Variants in FRMD4A observed in about 807,000 individuals in gnomAD.
FRMD4A encodes FERM domain-containing protein 4A.
FRMD4A carries 29 observed loss-of-function variants against 129.1 expected under a neutral mutation model. The observed-to-expected ratio is 0.22, with a 90% confidence interval of 0.17 to 0.31. The LOEUF (loss-of-function observed/expected upper bound fraction) is 0.31. Ranked by LOEUF, FRMD4A falls within the 10% of genes least tolerant of loss-of-function variation. FRMD4A has a pLI of 1.00. For missense variants in FRMD4A, 1,272 were observed against 1,375.8 expected (o/e 0.92, Z 1.19); for synonymous variants, 634 against 571.6 (o/e 1.11, Z -1.56).
intron 2 of FRMD4A, among the ~76,000 whole-genome samples, chr10:13,953,634 A>T (rs916612348): frequency 6.6e-6 from 1 of 152,126 alleles, no homozygotes; most frequent in South Asian, 2.1e-4. Context: ...AGGTCATAGT[A>T]CTTATATTCA....
intron 9 of FRMD4A, among the ~76,000 whole-genome samples, chr10:13,743,442 AC>A (rs1206134368): frequency 1.3e-5 from 2 of 151,364 alleles, no homozygotes; most frequent in African/African-American, 4.9e-5. Flanking sequence ...GTAGATAGGG[AC>A]CTTTTTCCTT....
At chr10:13,739,837 C>T (rs955047399) in intron 11 of FRMD4A, among the ~76,000 whole-genome samples, 7 of 152,240 alleles carry the variant, frequency 4.6e-5, no homozygotes, top group African/African-American at 1.4e-4. Flanking sequence ...CGGTGGCTCA[C>T]GCCTATAATC....
chr10:14,124,195 G>C (rs1008635281), intron 2 of FRMD4A, among the ~76,000 whole-genome samples: 1 of 152,162 alleles, frequency 6.6e-6, no homozygotes, highest in Non-Finnish European at 1.5e-5. Context: ...AGAGTCAGGA[G>C]ACACAAGTTT....
chr10:13,785,261 T>C (rs188876238), intron 5 of FRMD4A, among the ~76,000 whole-genome samples: 1 of 152,314 alleles, frequency 6.6e-6, no homozygotes, highest in East Asian at 1.9e-4. Context: ...ATTTTCTCAA[T>C]CCACAGATAT....
intron 2 of FRMD4A, among the ~76,000 whole-genome samples, chr10:13,964,428 C>G (rs1000030636): frequency 1.7e-5 from 2 of 114,968 alleles, no homozygotes; most frequent in Admixed American, 2.2e-4. Flanking sequence ...TTTATTTTTC[C>G]TATAGTTTTA....
intron 2 of FRMD4A, among the ~76,000 whole-genome samples, chr10:14,305,686 T>C (rs1476046674): frequency 1.3e-5 from 2 of 152,170 alleles, no homozygotes; most frequent in Admixed American, 1.3e-4. Flanking sequence ...CATATGTTCA[T>C]TGCAGCACTA....
intron 2 of FRMD4A, among the ~76,000 whole-genome samples, chr10:14,193,194 C>T (rs544897421): frequency 2.6e-5 from 4 of 152,140 alleles, no homozygotes; most frequent in Non-Finnish European, 5.9e-5. Context: ...GTCTGTAAAC[C>T]AATGAACAGT....
chr10:13,731,107 G>C (rs543675799), intron 12 of FRMD4A, among the ~76,000 whole-genome samples: 1 of 151,966 alleles, frequency 6.6e-6, no homozygotes, highest in Admixed American at 6.6e-5. Context: ...AGACATGTAA[G>C]ATCCCGTCAG....
At chr10:13,763,973 C>T (rs566008424) in intron 6 of FRMD4A, among the ~76,000 whole-genome samples, 1 of 152,236 alleles carries the variant, frequency 6.6e-6, no homozygotes, top group African/African-American at 2.4e-5. Flanking sequence ...CTCAGGTGAC[C>T]TGCCTGCCTT....
intron 12 of FRMD4A, chr10:13,707,527 C>T (rs1205769185): frequency 2.0e-6 from 2 of 1,006,246 alleles, no homozygotes; most frequent in Non-Finnish European, 2.4e-6. Context: ...GGAGCGAGCG[C>T]TCAGGAGGGA....
chr10:13,675,361 AG>A (rs754226681), intron 15 of FRMD4A, among the ~76,000 whole-genome samples: 18 of 152,326 alleles, frequency 1.2e-4, no homozygotes, highest in Non-Finnish European at 1.8e-4. Context: ...TACACAAGAA[AG>A]GGGGAAAGAA....
intron 2 of FRMD4A, among the ~76,000 whole-genome samples, chr10:14,329,434 G>A (rs1358324208): frequency 6.6e-6 from 1 of 151,852 alleles, no homozygotes; most frequent in Non-Finnish European, 1.5e-5. Flanking sequence ...TCTTAATATG[G>A]TGAAAATTCC....
intron 2 of FRMD4A, among the ~76,000 whole-genome samples, chr10:13,895,221 T>C (rs1235099725): frequency 6.6e-6 from 1 of 152,194 alleles, no homozygotes; most frequent in Non-Finnish European, 1.5e-5. Context: ...TATTTTTCCA[T>C]ATCTTCCCCC....
intron 2 of FRMD4A, among the ~76,000 whole-genome samples, chr10:14,116,589 G>C (rs1221644027): frequency 6.6e-6 from 1 of 152,136 alleles, no homozygotes; most frequent in Non-Finnish European, 1.5e-5. Flanking sequence ...CACAGGGTCT[G>C]GGGGCTAAAA....
intron 23 of FRMD4A, chr10:13,653,449 G>C (rs1005637417): frequency 6.6e-6 from 1 of 152,298 alleles, no homozygotes; most frequent in Non-Finnish European, 1.5e-5. Context: ...GCAGTGAGCT[G>C]ATATCGCACC....
intron 2 of FRMD4A, among the ~76,000 whole-genome samples, chr10:14,013,363 C>T (rs2095688333): frequency 6.6e-6 from 1 of 152,082 alleles, no homozygotes; most frequent in Non-Finnish European, 1.5e-5. Flanking sequence ...AGGAGTTAGG[C>T]CTCTAAGCAG....
At chr10:14,269,893 T>C (rs953263989) in intron 2 of FRMD4A, among the ~76,000 whole-genome samples, 10 of 152,186 alleles carry the variant, frequency 6.6e-5, no homozygotes, top group Admixed American at 6.5e-4. Flanking sequence ...CCCAGGTGAT[T>C]TGGCATTTGA....
intron 2 of FRMD4A, among the ~76,000 whole-genome samples, chr10:14,259,743 CCTT>C (rs1438706214): frequency 3.3e-5 from 5 of 152,172 alleles, no homozygotes; most frequent in African/African-American, 1.2e-4. Context: ...TTCCAGGTCT[CCTT>C]CTCTATTGAC....
Position 14,272,201 on chromosome 10 carries a change from AG to A in FRMD4A, c.45+57856del, listed in dbSNP as rs755797236. Among the ~76,000 whole-genome samples, 177 of 152,318 alleles carry A rather than the reference AG, an allele frequency of 1.2e-3. 1 individual carries two copies. Among genetic ancestry groups the A allele is most frequent in the Non-Finnish European group, 1.2e-3 (80 of 68,030 alleles). On this transcript the variant is annotated intron_variant, in intron 2 of 24. Coordinates refer to ENST00000357447, the MANE Select transcript of FRMD4A (RefSeq NM_018027.5). ...TACCCCAGCTTGCAGTTATGCCATT[AG>A]GAAAGCATAGTTGCCAAGCTGGATG...
Sources: allele counts gnomAD v4.1 joint callset (sites outside exome capture counted in the v4.1 genomes callset), GRCh38; gene constraint gnomAD v4.1.1; transcripts MANE v1.5; gene names NCBI Gene and HGNC (gene_info 2026-07-23, HGNC 2026-07-21).